OPHN1: variants seen among roughly 807,000 people sequenced by gnomAD.
The protein encoded by OPHN1 is oligophrenin 1.
In OPHN1, 11 loss-of-function variants were observed where a neutral mutation model predicts 60.7. The observed-to-expected ratio is 0.18, with a 90% CI of 0.11 to 0.30. The LOEUF is 0.30. Ranked by LOEUF, OPHN1 falls within the 10% of genes least tolerant of loss-of-function variation. The pLI, the probability that OPHN1 is intolerant of heterozygous loss-of-function variation, is 1.00. For missense variants in OPHN1, 449 were observed against 611.0 expected (o/e 0.73, Z 2.80); for synonymous variants, 226 against 222.6 (o/e 1.02, Z -0.14).
chrX:68,345,059 C>T (rs938704153), intron 2 of OPHN1, among the ~76,000 whole-genome samples: 2 of 112,259 alleles, frequency 1.8e-5, no homozygotes, highest in African/African-American at 6.5e-5. Flanking sequence ...GCTAAATTTA[C>T]TACATAAGTT....
At chrX:68,067,909 C>T (rs751813676) in intron 20 of OPHN1, among the ~76,000 whole-genome samples, 1 of 111,633 alleles carries the variant, frequency 9.0e-6, no homozygotes, top group Non-Finnish European at 1.9e-5. Context: ...AATAAATAAG[C>T]TTTAGGATAA....
chrX:68,113,814 C>A lies in OPHN1; in HGVS notation c.1362-575G>T, dbSNP rs4515684. Among the ~76,000 whole-genome samples the A allele has an allele frequency of 2.2e-4, 14 of 63,724 alleles. 1 individual carries two copies. The highest frequency in any genetic ancestry group is 7.2e-4 in the African/African-American group (12 of 16,725). The allele number at this position is 63,724 out of a possible 115,157, so 55.3% of individuals were successfully genotyped here. A position where few individuals can be genotyped will look rare whatever the true frequency, so the allele number is the denominator to read the frequency against. On this transcript the variant is annotated intron_variant, in intron 16 of 24. Transcript: ENST00000355520. ...GAACATCACACTCTGGGGACTGTTG[C>A]GGGGTGGGGGGAGGGGGGAGGGATA...
chrX:68,276,827 A>C (rs1226236536), intron 4 of OPHN1, among the ~76,000 whole-genome samples: 1 of 110,977 alleles, frequency 9.0e-6, no homozygotes, highest in Non-Finnish European at 1.9e-5. Flanking sequence ...GCCTTGAGAC[A>C]GTACATAAGA....
chrX:68,305,299 TC>T (rs2078139835), intron 2 of OPHN1, among the ~76,000 whole-genome samples: 1 of 111,221 alleles, frequency 9.0e-6, no homozygotes, highest in African/African-American at 3.3e-5. Flanking sequence ...TGGCAAGAGG[TC>T]GAGACTGTAG....
chrX:68,171,886 G>T (rs2077393428), intron 15 of OPHN1, among the ~76,000 whole-genome samples: 1 of 111,742 alleles, frequency 8.9e-6, no homozygotes, highest in Admixed American at 9.6e-5. Context: ...AGTCATAAAG[G>T]AAATGCAAAT....
At chrX:68,378,646 C>T (rs767126303) in intron 2 of OPHN1, among the ~76,000 whole-genome samples, 1 of 112,066 alleles carries the variant, frequency 8.9e-6, no homozygotes, top group South Asian at 3.7e-4. Flanking sequence ...CACCTTTCTA[C>T]ATATGGCTAG....
chrX:68,298,980 C>T (rs1254720086), intron 3 of OPHN1, 21 bp downstream of exon 3: 1 of 1,039,036 alleles, frequency 9.6e-7, no homozygotes, highest in East Asian at 3.2e-5. Flanking sequence ...GGTATATGAC[C>T]ACATGTAGCT....
chrX:68,148,339 T>C (rs754487603), intron 15 of OPHN1, among the ~76,000 whole-genome samples: 16 of 111,400 alleles, frequency 1.4e-4, no homozygotes, highest in Admixed American at 5.8e-4. Context: ...GCCAACACTG[T>C]ACAGAATGCT....
At chrX:68,358,140 AAT>A (rs1311722414) in intron 2 of OPHN1, among the ~76,000 whole-genome samples, 3 of 107,178 alleles carry the variant, frequency 2.8e-5, no homozygotes, top group Non-Finnish European at 5.7e-5. Flanking sequence ...AAAAAAAAAA[AAT>A]AATAAAATAA....
chrX:68,297,491 A>G (rs958666812), intron 3 of OPHN1, among the ~76,000 whole-genome samples: 1 of 111,991 alleles, frequency 8.9e-6, no homozygotes, highest in African/African-American at 3.2e-5. Context: ...CAAATATCTG[A>G]CTCACTAGTT....
At chrX:68,079,969 C>A (rs2076968428) in intron 19 of OPHN1, among the ~76,000 whole-genome samples, 1 of 111,436 alleles carries the variant, frequency 9.0e-6, no homozygotes, top group Non-Finnish European at 1.9e-5. Context: ...TGAGTCTCAT[C>A]ATGTCTCTCT....
At chrX:68,385,928 G>A (rs1050152106) in intron 2 of OPHN1, among the ~76,000 whole-genome samples, 1 of 112,026 alleles carries the variant, frequency 8.9e-6, no homozygotes, top group African/African-American at 3.2e-5. Context: ...TGTGTTTGGA[G>A]CCAATAAAAG....
chrX:68,360,074 A>G (rs1452714063), intron 2 of OPHN1, among the ~76,000 whole-genome samples: 3 of 110,779 alleles, frequency 2.7e-5, no homozygotes, highest in South Asian at 3.8e-4. Context: ...AATATGTGTA[A>G]AGTGCTTAGA....
chrX:68,084,630 C>A (rs1346046192), intron 19 of OPHN1, among the ~76,000 whole-genome samples: 1 of 110,419 alleles, frequency 9.1e-6, no homozygotes, highest in African/African-American at 3.3e-5. Flanking sequence ...CCCTTCCTCA[C>A]AGGTTGTTCT....
intron 2 of OPHN1, among the ~76,000 whole-genome samples, chrX:68,344,702 C>T (rs767253890): frequency 9.0e-6 from 1 of 110,908 alleles, no homozygotes. Context: ...CAGTGAGACA[C>T]CCCCTACAAA....
chrX:68,411,127 G>A (rs1314152183), intron 2 of OPHN1, among the ~76,000 whole-genome samples: 4 of 73,652 alleles, frequency 5.4e-5, no homozygotes, highest in Non-Finnish European at 1.1e-4. Flanking sequence ...AGAAAGGCAA[G>A]GTAGCTGGTG....
intron 15 of OPHN1, 104 bp downstream of exon 15, chrX:68,192,815 A>C (rs957233316): frequency 1.2e-5 from 8 of 687,520 alleles, no homozygotes. Flanking sequence ...TACTTTTTTC[A>C]ACTATTCTAC....
chrX:68,385,445 G>A (rs2078619686), intron 2 of OPHN1, among the ~76,000 whole-genome samples: 2 of 112,131 alleles, frequency 1.8e-5, no homozygotes, highest in South Asian at 3.7e-4. Flanking sequence ...TAAGATCTCA[G>A]CAACTTCTAA....
chrX:68,380,908 C>G (rs1317087562), intron 2 of OPHN1, among the ~76,000 whole-genome samples: 7 of 111,395 alleles, frequency 6.3e-5, no homozygotes, highest in Non-Finnish European at 1.9e-5. Flanking sequence ...TGCTCCTATC[C>G]CCACTATACA....
Sources: gnomAD v4.1 joint callset for allele counts (sites outside exome capture counted in the v4.1 genomes callset) on GRCh38, gnomAD v4.1.1 for gene constraint, MANE v1.5 for transcripts, NCBI Gene and HGNC (gene_info 2026-07-23, HGNC 2026-07-21) for gene names.